SLC2A13: variants seen among roughly 807,000 people sequenced by gnomAD.
The protein encoded by SLC2A13 is solute carrier family 2 member 13.
Under a neutral mutation model 64.4 loss-of-function variants are expected in SLC2A13, and 32 were observed. That is an observed-to-expected ratio of 0.50 (90% CI 0.37 to 0.67). The LOEUF (loss-of-function observed/expected upper bound fraction) is 0.67. Ranked by LOEUF, SLC2A13 falls within the 30% of genes least tolerant of loss-of-function variation. The pLI, the probability that SLC2A13 is intolerant of heterozygous loss-of-function variation, is 0.00. For missense variants in SLC2A13, 743 were observed against 829.2 expected, an observed-to-expected ratio of 0.90 and a Z score of 1.28; for synonymous variants, 338 against 327.1, an observed-to-expected ratio of 1.03 and a Z score of -0.36.
intron 9 of SLC2A13, among the ~76,000 whole-genome samples, chr12:39,760,976 A>ACACACACACACACACACAC (rs1236073642): frequency 1.3e-4 from 20 of 150,250 alleles, no homozygotes; most frequent in Non-Finnish European, 2.4e-4. Context: ...ACACACACAT[A>ACACACACACACACACACAC]ATTGAATTGC....
intron 4 of SLC2A13, among the ~76,000 whole-genome samples, chr12:39,895,212 A>G (rs1044580430): frequency 2.0e-5 from 3 of 151,842 alleles, no homozygotes; most frequent in African/African-American, 7.3e-5. Context: ...TCCTAAATGT[A>G]CCTCAGGATG....
At chr12:40,047,202 C>T (rs541872216) in intron 2 of SLC2A13, among the ~76,000 whole-genome samples, 1 of 152,212 alleles carries the variant, frequency 6.6e-6, no homozygotes, top group South Asian at 2.1e-4. Context: ...ACACCCAGTC[C>T]ACACCCTTTT....
chr12:40,014,142 T>C (rs572279763), intron 3 of SLC2A13, among the ~76,000 whole-genome samples: 4 of 152,276 alleles, frequency 2.6e-5, no homozygotes, highest in Middle Eastern at 3.4e-3. Context: ...AGTATAATAA[T>C]GCGCAAGTAG....
At chr12:39,900,513 C>CA (rs1463650621) in intron 4 of SLC2A13, among the ~76,000 whole-genome samples, 2 of 151,944 alleles carry the variant, frequency 1.3e-5, no homozygotes, top group Non-Finnish European at 2.9e-5. Context: ...AATCAATGTG[C>CA]AAAAATCACA....
chr12:39,994,244 C>T (rs906268883), intron 3 of SLC2A13, among the ~76,000 whole-genome samples: 1 of 151,736 alleles, frequency 6.6e-6, no homozygotes, highest in Non-Finnish European at 1.5e-5. Context: ...ATTAGCCAGG[C>T]GTGGTGGCAG....
intron 3 of SLC2A13, among the ~76,000 whole-genome samples, chr12:39,987,970 T>C (rs1947058867): frequency 6.6e-6 from 1 of 152,164 alleles, no homozygotes; most frequent in South Asian, 2.1e-4. Context: ...CCTCCAATTC[T>C]ACCCGTGAAA....
chr12:39,778,796 G>A (rs1195677532), intron 7 of SLC2A13, among the ~76,000 whole-genome samples: 1 of 152,126 alleles, frequency 6.6e-6, no homozygotes, highest in Non-Finnish European at 1.5e-5. Flanking sequence ...AAATACCAAT[G>A]ACTGAAAAAC....
chr12:39,788,100 T>C (rs1316168799), intron 7 of SLC2A13, among the ~76,000 whole-genome samples: 2 of 152,152 alleles, frequency 1.3e-5, no homozygotes, highest in South Asian at 4.1e-4. Context: ...TTATTTTACC[T>C]CTAGGAAACT....
At position 39,972,092 on chromosome 12, in the gene SLC2A13, A is replaced by AATT. The variant is rs71078208; in HGVS notation, c.926-20728_926-20727insAAT. 5.4e-4 allele frequency among the ~76,000 whole-genome samples: 76 copies of AATT among 140,116 alleles called. No individual in the cohort carries two copies. In the South Asian group the frequency reaches 5.6e-3, roughly 10 times the overall value. 91.9% of individuals were successfully genotyped at this position (140,116 alleles called of 152,430 possible). On this transcript the variant is annotated intron_variant, in intron 3 of 9. Coordinates refer to ENST00000280871, the MANE Select transcript of SLC2A13 (RefSeq NM_052885.4). ...ATATATAGAATTTATATTTATATAT[A>AATT]TATATATAAATTGATTTTGCTGCTT...
At chr12:39,770,116 C>CA (rs1488524605) in intron 7 of SLC2A13, among the ~76,000 whole-genome samples, 1 of 152,046 alleles carries the variant, frequency 6.6e-6, no homozygotes, top group Non-Finnish European at 1.5e-5. Flanking sequence ...TTCCTCTTCT[C>CA]AACCTCTAAA....
At chr12:39,869,242 T>A (rs1161339957) in intron 5 of SLC2A13, among the ~76,000 whole-genome samples, 4 of 152,206 alleles carry the variant, frequency 2.6e-5, no homozygotes, top group Non-Finnish European at 5.9e-5. Context: ...GTAATACTAA[T>A]GTGTTAACAA....
chr12:39,806,788 C>A (rs745588972), intron 7 of SLC2A13, among the ~76,000 whole-genome samples: 1 of 151,996 alleles, frequency 6.6e-6, no homozygotes, highest in Non-Finnish European at 1.5e-5. Flanking sequence ...TCAAGACAGT[C>A]GAAAATAAAT....
intron 4 of SLC2A13, among the ~76,000 whole-genome samples, chr12:39,892,418 C>A (rs1944638201): frequency 6.6e-6 from 1 of 152,212 alleles, no homozygotes; most frequent in Non-Finnish European, 1.5e-5. Context: ...CATGGTACTA[C>A]AACAGATCTC....
chr12:40,105,131 T>C lies in SLC2A13; in HGVS notation c.556+122A>G. ...AGATGGGCTCTGGAGGCCAGAGAAG[T>C]GGAGGATTCTCTGACCCTGGGAGAC... On this transcript the variant is annotated intron_variant, in intron 1 of 9. Coordinates refer to ENST00000280871, the MANE Select transcript of SLC2A13 (RefSeq NM_052885.4). This position sits in a 1 kb window ranked among gnomAD's most constrained non-coding sequence, Gnocchi z 4.2. The C allele has an allele frequency of 7.9e-7, 1 of 1,272,182 alleles. No homozygotes were observed. Among genetic ancestry groups the C allele is most frequent in the Non-Finnish European group, 9.9e-7 (1 of 1,005,508 alleles). 78.8% of individuals were successfully genotyped at this position (1,272,182 alleles called of 1,614,324 possible). A position where few individuals can be genotyped will look rare whatever the true frequency, so the allele number is the denominator to read the frequency against.
intron 4 of SLC2A13, among the ~76,000 whole-genome samples, chr12:39,876,356 A>C (rs1034354540): frequency 1.3e-5 from 2 of 152,218 alleles, no homozygotes; most frequent in Non-Finnish European, 2.9e-5. Context: ...TGAATACTTC[A>C]TATGCTTAAC....
chr12:40,025,884 G>A (rs1199166267), intron 3 of SLC2A13, among the ~76,000 whole-genome samples: 1 of 152,152 alleles, frequency 6.6e-6, no homozygotes, highest in Non-Finnish European at 1.5e-5. Flanking sequence ...CTAGCCTATC[G>A]TTCTTGAATG....
intron 6 of SLC2A13, among the ~76,000 whole-genome samples, chr12:39,849,706 A>G (rs1943415389): frequency 6.6e-6 from 1 of 152,084 alleles, no homozygotes; most frequent in Non-Finnish European, 1.5e-5. Flanking sequence ...TCATAGATTC[A>G]TGTTTATTTG....
chr12:40,051,964 T>C (rs1350712401), intron 1 of SLC2A13, among the ~76,000 whole-genome samples: 2 of 152,050 alleles, frequency 1.3e-5, no homozygotes, highest in Non-Finnish European at 2.9e-5. Flanking sequence ...GTGGCAGCAA[T>C]GGTGATGGAC....
intron 1 of SLC2A13, among the ~76,000 whole-genome samples, chr12:40,058,042 CAGATAGATAGAT>C (rs10534370): frequency 1.1e-3 from 165 of 145,248 alleles, no homozygotes; most frequent in African/African-American, 2.6e-3. Context: ...AATTTCTCTC[CAGATAGATAGAT>C]AGATAGATAG....
Sources: gnomAD v4.1 joint callset for allele counts (sites outside exome capture counted in the v4.1 genomes callset) on GRCh38, gnomAD v4.1.1 for gene constraint, Gnocchi (gnomAD v3.1) non-coding constraint, MANE v1.5 for transcripts, NCBI Gene and HGNC (gene_info 2026-07-23, HGNC 2026-07-21) for gene names.